TENM3: variants seen among roughly 807,000 people sequenced by gnomAD.
TENM3 encodes the protein teneurin-3.
A neutral mutation model predicts 255.1 loss-of-function variants in TENM3; 63 were observed. The observed-to-expected ratio is 0.25, with a 90% confidence interval of 0.20 to 0.30. The LOEUF (loss-of-function observed/expected upper bound fraction) is 0.30. Among genes scored for constraint, TENM3 ranks in the 10% least tolerant of loss-of-function variants. The pLI, the probability that TENM3 is intolerant of heterozygous loss-of-function variation, is 1.00. For missense variants in TENM3, 2,929 were observed against 3,461.1 expected (o/e 0.85, Z 3.86); for synonymous variants, 1,306 against 1,322.3 (o/e 0.99, Z 0.27).
At chr4:181,626,004 C>A in the TENM3 span, among the ~76,000 whole-genome samples, 1 of 152,104 alleles carries the variant, frequency 6.6e-6, no homozygotes, top group Non-Finnish European at 1.5e-5. Context: ...AATAACCAAT[C>A]TCATAGAAAT....
chr4:182,020,315 G>A, the TENM3 span, among the ~76,000 whole-genome samples: 4 of 151,972 alleles, frequency 2.6e-5, no homozygotes, highest in Admixed American at 6.6e-5. Flanking sequence ...GCAGTGAGCT[G>A]AGATCACGCC....
At chr4:182,548,074 A>G (rs1741627629) in intron 3 of TENM3, among the ~76,000 whole-genome samples, 1 of 151,990 alleles carries the variant, frequency 6.6e-6, no homozygotes, top group African/African-American at 2.4e-5. Context: ...ATATAAAAAA[A>G]TTAGCCACGC....
chr4:182,076,451 C>T, the TENM3 span, among the ~76,000 whole-genome samples: 1 of 152,174 alleles, frequency 6.6e-6, no homozygotes, highest in Non-Finnish European at 1.5e-5. Flanking sequence ...ATCCACCTGC[C>T]TCGGCCTCCC....
the TENM3 span, among the ~76,000 whole-genome samples, chr4:182,009,936 T>TG: frequency 0.69 from 104,390 of 151,854 alleles, 36,654 homozygotes; most frequent in Middle Eastern, 0.79. Flanking sequence ...CTCCCTTGGC[T>TG]GGGGGGAGGG....
the TENM3 span, among the ~76,000 whole-genome samples, chr4:181,691,849 C>A: frequency 6.6e-6 from 1 of 152,140 alleles, no homozygotes; most frequent in Non-Finnish European, 1.5e-5. Flanking sequence ...TGTCTTTCCC[C>A]ACCCCATCTC....
At chr4:182,262,086 G>A (rs772590847) in intron 1 of TENM3, among the ~76,000 whole-genome samples, 1 of 152,106 alleles carries the variant, frequency 6.6e-6, no homozygotes, top group South Asian at 2.1e-4. Flanking sequence ...CTCTGTTTCC[G>A]GATATGGATG....
the TENM3 span, among the ~76,000 whole-genome samples, chr4:181,941,755 T>A: frequency 6.6e-6 from 1 of 152,200 alleles, no homozygotes; most frequent in Non-Finnish European, 1.5e-5. Context: ...GAATATCCCT[T>A]GTGCCTGGGT....
At chr4:182,422,280 G>A (rs1770894074) in intron 3 of TENM3, among the ~76,000 whole-genome samples, 1 of 152,038 alleles carries the variant, frequency 6.6e-6, no homozygotes, top group Admixed American at 6.6e-5. Context: ...GGGCTGTAGT[G>A]CTTTGAAAAC....
chr4:182,556,114 A>G (rs1560917625), intron 3 of TENM3, among the ~76,000 whole-genome samples: 1 of 152,198 alleles, frequency 6.6e-6, no homozygotes, highest in Admixed American at 6.5e-5. Flanking sequence ...TTTCTTAGGA[A>G]TGTAGGAATC....
chr4:182,725,186 C>G (rs1760067586), intron 13 of TENM3, among the ~76,000 whole-genome samples: 1 of 152,008 alleles, frequency 6.6e-6, no homozygotes. Context: ...TTCAGGTGCA[C>G]ACCACCATAC....
chr4:182,572,048 C>T (rs535078938), intron 3 of TENM3, among the ~76,000 whole-genome samples: 4 of 152,234 alleles, frequency 2.6e-5, no homozygotes, highest in African/African-American at 9.6e-5. Flanking sequence ...ACTACAGGCG[C>T]CTGCCACCAC....
intron 24 of TENM3, among the ~76,000 whole-genome samples, chr4:182,784,649 A>C (rs6838951): frequency 0.33 from 48,250 of 145,536 alleles, 10,801 homozygotes; most frequent in African/African-American, 0.61. Context: ...GCCCCTCCCC[A>C]AGCCTCGCTG....
At chr4:182,520,016 G>T (rs1261655512) in intron 3 of TENM3, among the ~76,000 whole-genome samples, 2 of 152,006 alleles carry the variant, frequency 1.3e-5, no homozygotes, top group African/African-American at 4.8e-5. Context: ...GGGGATGCTG[G>T]ATATAGTTAA....
At position 182,549,115 on chromosome 4, in the gene TENM3, G is replaced by A. The variant is rs60681057; in HGVS notation, c.512-51809G>A. Among the ~76,000 whole-genome samples, 733 of 152,212 alleles carry A rather than the reference G, an allele frequency of 4.8e-3. 5 individuals are homozygous for A. Among genetic ancestry groups the A allele is most frequent in the African/African-American group, 0.016 (650 of 41,538 alleles). ...CTCCAGATATAATTCTAATGTGTCC[G>A]GTGACACTGCAGAAAATGTAAATTT... On this transcript the variant is annotated intron_variant, in intron 3 of 27. Coordinates refer to ENST00000511685, the MANE Select transcript of TENM3 (RefSeq NM_001080477.4).
the TENM3 span, among the ~76,000 whole-genome samples, chr4:181,700,403 T>C: frequency 6.6e-6 from 1 of 152,172 alleles, no homozygotes; most frequent in Non-Finnish European, 1.5e-5. Context: ...AAAGAATCCA[T>C]CTGCTAAAAT....
the TENM3 span, among the ~76,000 whole-genome samples, chr4:181,810,067 G>C: frequency 6.6e-6 from 1 of 152,084 alleles, no homozygotes; most frequent in African/African-American, 2.4e-5. Context: ...TGCAAAGGTG[G>C]CTCGAGGTAA....
chr4:181,721,349 A>C, the TENM3 span, among the ~76,000 whole-genome samples: 1 of 151,678 alleles, frequency 6.6e-6, no homozygotes, highest in Non-Finnish European at 1.5e-5. Context: ...CACATGATCA[A>C]ATTTACATGA....
the TENM3 span, among the ~76,000 whole-genome samples, chr4:181,581,101 C>A: frequency 2.0e-5 from 3 of 152,052 alleles, no homozygotes; most frequent in Admixed American, 2.0e-4. Context: ...GCAAGTGCAG[C>A]CCCAGGAAAA....
At chr4:182,121,498 C>T in the TENM3 span, among the ~76,000 whole-genome samples, 1 of 152,066 alleles carries the variant, frequency 6.6e-6, no homozygotes, top group African/African-American at 2.4e-5. Context: ...AGCTAAAGAC[C>T]ACTTCAATAA....
Sources: gnomAD v4.1 joint callset for allele counts (sites outside exome capture counted in the v4.1 genomes callset) on GRCh38, gnomAD v4.1.1 for gene constraint, MANE v1.5 for transcripts, NCBI Gene and HGNC (gene_info 2026-07-23, HGNC 2026-07-21) for gene names.